Variants in UGT2B7 observed in about 807,000 individuals in gnomAD.
The protein encoded by UGT2B7 is UDP glucuronosyltransferase family 2 member B7.
In UGT2B7, 51 loss-of-function variants were observed where a neutral mutation model predicts 51.9. The observed-to-expected ratio is 0.98, with a 90% CI of 0.78 to 1.24. The LOEUF is 1.24. UGT2B7 is among the 50% of genes most tolerant of loss of function. The pLI is 0.00. For missense variants in UGT2B7, 727 were observed against 628.4 expected, an observed-to-expected ratio of 1.16 and a Z score of -1.68; for synonymous variants, 225 against 211.6, an observed-to-expected ratio of 1.06 and a Z score of -0.55.
chr4:69,106,127 G>A (rs1459300391), intron 3 of UGT2B7, among the ~76,000 whole-genome samples: 1 of 151,926 alleles, frequency 6.6e-6, no homozygotes, highest in Non-Finnish European at 1.5e-5. Flanking sequence ...TTTATTTTAA[G>A]TTCAAGGGGA....
chr4:69,055,098 T>TAAAAAAAAAAAAAAAAAAA (rs1178892377), intron 1 of UGT2B7, among the ~76,000 whole-genome samples: 6 of 22,562 alleles, frequency 2.7e-4, no homozygotes, highest in African/African-American at 6.0e-4. Context: ...AAGTAATAGC[T>TAAAAAAAAAAAAAAAAAAA]AAAAAAAAAA....
At chr4:69,079,603 T>A (rs1272045056) in intron 1 of UGT2B7, among the ~76,000 whole-genome samples, 1 of 152,176 alleles carries the variant, frequency 6.6e-6, no homozygotes, top group Non-Finnish European at 1.5e-5. Context: ...TACCTGAATT[T>A]TACCTAGCTT....
chr4:69,105,831 T>C (rs1361246377), intron 3 of UGT2B7, among the ~76,000 whole-genome samples: 1 of 152,184 alleles, frequency 6.6e-6, no homozygotes, highest in East Asian at 1.9e-4. Flanking sequence ...TATGGACTTG[T>C]TATTTTGTCA....
At chr4:69,075,079 A>C (rs1718674901) in intron 1 of UGT2B7, among the ~76,000 whole-genome samples, 1 of 152,172 alleles carries the variant, frequency 6.6e-6, no homozygotes, top group Non-Finnish European at 1.5e-5. Flanking sequence ...ATATAAATTC[A>C]CACAATTTTT....
At chr4:69,103,224 A>G (rs1719483857) in intron 3 of UGT2B7, among the ~76,000 whole-genome samples, 1 of 152,116 alleles carries the variant, frequency 6.6e-6, no homozygotes, top group Non-Finnish European at 1.5e-5. Flanking sequence ...CTGTCCATAA[A>G]ATTTTGAATT....
chr4:69,111,745 T>A (rs1307220978), intron 5 of UGT2B7, among the ~76,000 whole-genome samples: 1 of 152,136 alleles, frequency 6.6e-6, no homozygotes, highest in Non-Finnish European at 1.5e-5. Context: ...TGCCTTATAT[T>A]TTCTCTGCTT....
rs1719231880 is a variant in UGT2B7 at position 69,096,536 on chromosome 4, A to T, written c.16A>T (p.Thr6Ser). 6.2e-7 allele frequency: 1 copy of T among 1,613,944 alleles called. No individual in the cohort carries two copies. The highest frequency in any genetic ancestry group is 1.3e-5 in the African/African-American group (1 of 75,046). MSVKW[T>S]SVILLIQLSF... ...TTGCACCAGGATGTCTGTGAAATGG[A>T]CTTCAGTAATTTTGCTAATACAACT... The change falls in exon 1 of 6, where the codon ACT becomes TCT. Residue 6 changes from threonine (T) to serine (S), a missense_variant. Transcript: ENST00000305231.
In UGT2B7 at chr4:69,107,214, G is replaced by A. The variant is rs1476007148; in HGVS notation, c.1042G>A (p.Gly348Ser). ...RFDGNKPDTL[G>S]LNTRLYKWIP... Reference sequence around the variant, plus strand: ...TGATGGGAATAAACCAGATACCTTAGGTCTCAATACTCGGCTCTACAAGTG... The same window carrying A: ...TGATGGGAATAAACCAGATACCTTAAGTCTCAATACTCGGCTCTACAAGTG... The change falls in exon 4 of 6, where the codon GGT becomes AGT. Residue 348 changes from glycine to serine, a missense_variant. By Grantham distance (56) the Gly-to-Ser change is moderately conservative. Transcript: ENST00000305231. 6.2e-7 allele frequency: 1 copy of A among 1,609,662 alleles called. No individual in the cohort carries two copies. Among genetic ancestry groups the A allele is most frequent in the South Asian group, 1.1e-5 (1 of 90,718 alleles).
upstream of UGT2B7, among the ~76,000 whole-genome samples, chr4:69,095,810 A>C (rs1182766679): frequency 6.6e-6 from 1 of 152,224 alleles, no homozygotes; most frequent in Non-Finnish European, 1.5e-5. Context: ...TGAACCTTTA[A>C]AATATTATGT....
chr4:69,101,883 C>A (rs1442277123), intron 2 of UGT2B7, among the ~76,000 whole-genome samples: 2 of 152,130 alleles, frequency 1.3e-5, no homozygotes, highest in Admixed American at 6.6e-5. Flanking sequence ...AAAAAAGAGA[C>A]AAGATCTCCC....
At chr4:69,059,262 T>C (rs1377847078) in intron 1 of UGT2B7, among the ~76,000 whole-genome samples, 2 of 152,198 alleles carry the variant, frequency 1.3e-5, no homozygotes, top group African/African-American at 4.8e-5. Context: ...TGTGCAACTA[T>C]TGTGGGAGCC....
intron 3 of UGT2B7, among the ~76,000 whole-genome samples, chr4:69,103,950 G>A (rs552400265): frequency 1.3e-5 from 2 of 152,188 alleles, no homozygotes; most frequent in South Asian, 4.1e-4. Context: ...ACACATGTGA[G>A]GAGTAGGGGA....
upstream of UGT2B7, chr4:69,096,360 T>C (rs7668258): frequency 0.51 from 570,991 of 1,130,256 alleles, 149,632 homozygotes; most frequent in African/African-American, 0.71. Context: ...CATTTGTCTC[T>C]TTGCCATCCA....
intron 5 of UGT2B7, among the ~76,000 whole-genome samples, chr4:69,111,045 C>T (rs1475008982): frequency 6.6e-6 from 1 of 151,850 alleles, no homozygotes; most frequent in Non-Finnish European, 1.5e-5. Flanking sequence ...TAGAAGGAAG[C>T]CACAAGAAGG....
chr4:69,081,913 T>C (rs1392258199), intron 1 of UGT2B7, among the ~76,000 whole-genome samples: 5 of 152,142 alleles, frequency 3.3e-5, no homozygotes, highest in Non-Finnish European at 5.9e-5. Flanking sequence ...ATTGTATGCT[T>C]GTGGCAATTG....
intron 1 of UGT2B7, among the ~76,000 whole-genome samples, chr4:69,075,389 T>C (rs1270303419): frequency 6.6e-6 from 1 of 152,086 alleles, no homozygotes; most frequent in Non-Finnish European, 1.5e-5. Flanking sequence ...TTATACCTTT[T>C]CCTCTCTTTC....
At chr4:69,099,075 A>T (rs1053949698) in intron 2 of UGT2B7, among the ~76,000 whole-genome samples, 1 of 151,966 alleles carries the variant, frequency 6.6e-6, no homozygotes, top group African/African-American at 2.4e-5. Context: ...CTTACATTCT[A>T]CTTCAAAAGA....
rs776991562 is a variant in UGT2B7, at chr4:69,108,204, G to A, written c.1192G>A (p.Asp398Asn). The A allele has an allele frequency of 4.3e-5, 69 of 1,613,650 alleles. No homozygotes were observed. In the East Asian group the frequency reaches 8.0e-4, roughly 19 times the overall value. ...TATGGTGGGGATTCCATTGTTTGCC[G>A]ATCAACCTGATAACATTGCTCACAT... ...IPMVGIPLFA[D>N]QPDNIAHMKA... The change falls in exon 5 of 6, where the codon GAT becomes AAT. Residue 398 changes from aspartate to asparagine, a missense_variant. Coordinates refer to ENST00000305231, the MANE Select transcript of UGT2B7 (RefSeq NM_001074.4).
At chr4:69,072,987 G>A (rs1324957834) in intron 1 of UGT2B7, among the ~76,000 whole-genome samples, 1 of 152,162 alleles carries the variant, frequency 6.6e-6, no homozygotes, top group Non-Finnish European at 1.5e-5. Context: ...GGGGAATGTA[G>A]AGGTTCTGAG....
Sources: allele counts gnomAD v4.1 joint callset (sites outside exome capture counted in the v4.1 genomes callset), GRCh38; gene constraint gnomAD v4.1.1; transcripts MANE v1.5; gene names NCBI Gene and HGNC (gene_info 2026-07-23, HGNC 2026-07-21).